Variants in ADH7 observed in about 807,000 individuals in gnomAD.
ADH7 encodes all-trans-retinol dehydrogenase [NAD(+)] ADH7.
In ADH7, 41 loss-of-function variants were observed where a neutral mutation model predicts 34.4. The observed-to-expected ratio is 1.19, with a 90% CI of 0.93 to 1.55. The LOEUF (loss-of-function observed/expected upper bound fraction) is 1.55, where lower values mean the gene tolerates loss of function less well. ADH7 is among the 40% of genes most tolerant of loss of function. The pLI is 0.00. For synonymous variants in ADH7, 180 were observed against 160.9 expected, an observed-to-expected ratio of 1.12 and a Z score of -0.90; for missense variants, 540 against 461.2, an observed-to-expected ratio of 1.17 and a Z score of -1.56.
At chr4:99,426,706 T>A (rs1173300089) in intron 5 of ADH7, among the ~76,000 whole-genome samples, 1 of 152,190 alleles carries the variant, frequency 6.6e-6, no homozygotes, top group Non-Finnish European at 1.5e-5. Context: ...CCTAACTCAT[T>A]TTATGAGGCC....
Position 99,413,016 on chromosome 4 carries a change from G to A in ADH7, c.*132C>T. On this transcript the variant is annotated 3_prime_UTR_variant, in exon 9 of 9. Transcript: ENST00000437033. The stretch of plus-strand genomic sequence containing the variant: ...TAAAGGTTAATAATTCTTTATAAGG[G>A]TTCTATGTCTTCAACAAATCTTCTA... The A allele has an allele frequency of 5.6e-6, 5 of 899,688 alleles. No individual in the cohort carries two copies. The highest frequency in any genetic ancestry group is 4.5e-5 in the South Asian group (3 of 66,026). The allele number at this position is 899,688 out of a possible 1,614,324, so 55.7% of individuals were successfully genotyped here.
At position 99,427,761 on chromosome 4, in the gene ADH7, C is replaced by G. The variant is rs757714007; in HGVS notation, c.564+12G>C. The G allele has an allele frequency of 2.7e-6, 4 of 1,502,362 alleles. No homozygotes were observed. Among genetic ancestry groups the G allele is most frequent in the Middle Eastern group, 1.8e-4 (1 of 5,604 alleles). 93.1% of individuals were successfully genotyped at this position (1,502,362 alleles called of 1,614,324 possible). Reference sequence around the variant, plus strand: ...AAGAAGAACAAATAAACTAGCCTACCCTGTTTCTTACCTTGCCAGTTTTAA... The same window carrying G: ...AAGAAGAACAAATAAACTAGCCTACGCTGTTTCTTACCTTGCCAGTTTTAA... On this transcript the variant is annotated intron_variant, in intron 5 of 8. Transcript: ENST00000437033.
At chr4:99,425,922 A>G (rs1033770592) in intron 5 of ADH7, among the ~76,000 whole-genome samples, 2 of 152,174 alleles carry the variant, frequency 1.3e-5, no homozygotes, top group Non-Finnish European at 2.9e-5. Flanking sequence ...AAACCGCTCA[A>G]CTACATGGAA....
At position 99,419,058 on chromosome 4, in the gene ADH7, A is replaced by G. The variant is rs1268694762; in HGVS notation, c.889T>C (p.Ser297Pro). The G allele has an allele frequency of 6.2e-7, 1 of 1,613,872 alleles. No homozygotes were observed. The highest frequency in any genetic ancestry group is 2.2e-5 in the East Asian group (1 of 44,862). The change falls in exon 7 of 9, where the codon TCA becomes CCA. Residue 297 changes from serine (S) to proline (P), a missense_variant. Ser to Pro is a moderately conservative substitution (Grantham distance 74). Coordinates refer to ENST00000437033, the MANE Select transcript of ADH7 (RefSeq NM_000673.7). ...GGGTCATAGGTGAGCATCTTGGCTG[A>G]TGGAGGAACTCCTACAACCACGCTG... Reference protein sequence around the residue: ...GTSVVVGVPPSAKMLTYDPML... With the variant: ...GTSVVVGVPPPAKMLTYDPML...
chr4:99,424,178 C>T (rs1188934539), intron 5 of ADH7, among the ~76,000 whole-genome samples: 1 of 152,146 alleles, frequency 6.6e-6, no homozygotes. Flanking sequence ...TGTCAAAGAT[C>T]AGATAGTTGT....
At chr4:99,414,548 C>A (rs968288148) in intron 8 of ADH7, among the ~76,000 whole-genome samples, 5 of 152,128 alleles carry the variant, frequency 3.3e-5, no homozygotes, top group Non-Finnish European at 4.4e-5. Flanking sequence ...CCTTGCCCAA[C>A]CCTCAGAAGC....
At chr4:99,429,465 A>C (rs1721890052) in intron 2 of ADH7, 67 bp downstream of exon 2, 3 of 1,152,616 alleles carry the variant, frequency 2.6e-6, no homozygotes, top group South Asian at 2.8e-5. Context: ...CCAGCCTCAC[A>C]ACAGTGCTAT....
In ADH7 at chr4:99,417,353, G is replaced by A. The variant is rs920490739; in HGVS notation, c.961+1633C>T. On this transcript the variant is annotated intron_variant, in intron 7 of 8. Transcript: ENST00000437033. The stretch of plus-strand genomic sequence containing the variant: ...TTGTAGCCATACTGACCTTTTCCCC[G>A]TTCTTATGGTTCTTGCCAACACCCT... Among the ~76,000 whole-genome samples, 22 of 152,014 alleles carry A rather than the reference G, an allele frequency of 1.4e-4. No individual in the cohort carries two copies. The South Asian group carries it at 1.7e-3, about 11-fold the overall frequency.
chr4:99,427,456 T>C (rs1332195236), intron 5 of ADH7, among the ~76,000 whole-genome samples: 1 of 152,150 alleles, frequency 6.6e-6, no homozygotes, highest in Non-Finnish European at 1.5e-5. Flanking sequence ...AAGCCTCTGC[T>C]GTAACTAAAA....
At chr4:99,422,962 G>T (rs1721702461) in intron 5 of ADH7, among the ~76,000 whole-genome samples, 1 of 144,006 alleles carries the variant, frequency 6.9e-6, no homozygotes. Context: ...GTGCCATGCT[G>T]GTGTGCTGCA....
chr4:99,422,956 C>T (rs1226111817), intron 5 of ADH7, among the ~76,000 whole-genome samples: 1 of 145,708 alleles, frequency 6.9e-6, no homozygotes, highest in South Asian at 2.2e-4. Context: ...ATACATGTGC[C>T]ATGCTGGTGT....
At chr4:99,419,143 T>A in intron 6 of ADH7, 22 bp from the exon 7 acceptor site, 1 of 1,608,972 alleles carries the variant, frequency 6.2e-7, no homozygotes, top group Admixed American at 1.7e-5. Flanking sequence ...ACGGAGGAGA[T>A]CGTTTGCTTC....
At chr4:99,431,132 A>G (rs1157050674) in intron 1 of ADH7, among the ~76,000 whole-genome samples, 1 of 152,164 alleles carries the variant, frequency 6.6e-6, no homozygotes. Flanking sequence ...TATTTTATCA[A>G]TCAGTGAAGA....
At chr4:99,416,055 G>A (rs1488824439) in intron 7 of ADH7, among the ~76,000 whole-genome samples, 1 of 151,692 alleles carries the variant, frequency 6.6e-6, no homozygotes, top group African/African-American at 2.4e-5. Context: ...TGGGTTGATG[G>A]GTGCAGCAAA....
At chr4:99,417,484 A>G (rs1264690882) in intron 7 of ADH7, among the ~76,000 whole-genome samples, 4 of 152,204 alleles carry the variant, frequency 2.6e-5, no homozygotes, top group Non-Finnish European at 5.9e-5. Flanking sequence ...GCCTTCCTTG[A>G]ACTTTATAAA....
At chr4:99,418,215 T>C (rs932668565) in intron 7 of ADH7, among the ~76,000 whole-genome samples, 9 of 152,218 alleles carry the variant, frequency 5.9e-5, no homozygotes, top group African/African-American at 2.2e-4. Context: ...CTTATTTTTA[T>C]ATTCTTTCTT....
In ADH7 at chr4:99,427,790, C is replaced by T; in HGVS notation, c.547G>A (p.Ala183Thr). The change falls in exon 5 of 9, where the codon GCT becomes ACT. Residue 183 changes from alanine to threonine, a missense_variant. Transcript: ENST00000437033. ...GCGFSTGYGAAVKTGKVKPGS... is the reference protein window; with the variant it reads ...GCGFSTGYGATVKTGKVKPGS... Reference sequence around the variant, plus strand: ...TTTCTTACCTTGCCAGTTTTAACAGCAGCGCCATATCCAGTGGAAAACCCA... The same window carrying T: ...TTTCTTACCTTGCCAGTTTTAACAGTAGCGCCATATCCAGTGGAAAACCCA... The T allele has an allele frequency of 1.3e-6, 2 of 1,559,738 alleles. No individual in the cohort carries two copies. The highest frequency in any genetic ancestry group is 1.7e-6 in the Non-Finnish European group (2 of 1,151,864).
chr4:99,434,997 C>T, intron 1 of ADH7: 3 of 1,440,312 alleles, frequency 2.1e-6, no homozygotes, highest in Middle Eastern at 3.4e-4. Flanking sequence ...CAATGTCTTG[C>T]TGACATTGGA....
chr4:99,421,592 C>G (rs115235200), intron 5 of ADH7, among the ~76,000 whole-genome samples: 2 of 152,150 alleles, frequency 1.3e-5, no homozygotes, highest in African/African-American at 2.4e-5. Context: ...TAGACATAGG[C>G]AAAGACTTCA....
Sources: gnomAD v4.1 joint callset for allele counts (sites outside exome capture counted in the v4.1 genomes callset) on GRCh38, gnomAD v4.1.1 for gene constraint, MANE v1.5 for transcripts, NCBI Gene and HGNC (gene_info 2026-07-23, HGNC 2026-07-21) for gene names.